Variants in CPE observed in about 807,000 individuals in gnomAD.
CPE encodes the protein carbocypeptidase E.
Under a neutral mutation model 53.5 loss-of-function variants are expected in CPE, and 17 were observed. The ratio of observed to expected loss-of-function variants is 0.32; its 90% CI spans 0.22 to 0.48. The LOEUF (loss-of-function observed/expected upper bound fraction) is 0.48, where lower values mean the gene tolerates loss of function less well. Among genes scored for constraint, CPE ranks in the 20% least tolerant of loss-of-function variants. The pLI is 0.99. For synonymous variants in CPE, 226 were observed against 228.8 expected, an observed-to-expected ratio of 0.99 and a Z score of 0.11; for missense variants, 524 against 614.7, an observed-to-expected ratio of 0.85 and a Z score of 1.56.
At chr4:165,482,505 T>C in intron 4 of CPE, 146 bp downstream of exon 4, 1 of 620,304 alleles carries the variant, frequency 1.6e-6, no homozygotes, top group South Asian at 2.2e-5. Flanking sequence ...CAGGAAGCTC[T>C]CCTAATCATT....
chr4:165,495,442 G>C (rs1160091154), intron 7 of CPE, 117 bp from the exon 8 acceptor site: 3 of 619,184 alleles, frequency 4.8e-6, no homozygotes, highest in Middle Eastern at 2.9e-4. Flanking sequence ...TTTAAAAATC[G>C]AGAATCAAAA....
At chr4:165,474,111 C>G (rs931933117) in intron 3 of CPE, among the ~76,000 whole-genome samples, 1 of 152,222 alleles carries the variant, frequency 6.6e-6, no homozygotes, top group Non-Finnish European at 1.5e-5. Context: ...TTAGGGAAAC[C>G]TGGATGGGGG....
intron 1 of CPE, among the ~76,000 whole-genome samples, chr4:165,409,039 C>T (rs969066823): frequency 6.6e-6 from 1 of 152,194 alleles, no homozygotes; most frequent in Non-Finnish European, 1.5e-5. Flanking sequence ...TCTCTTCTTA[C>T]ATTTATTTGG....
chr4:165,448,134 CCA>C (rs545174993), intron 1 of CPE, among the ~76,000 whole-genome samples: 9 of 151,754 alleles, frequency 5.9e-5, no homozygotes, highest in Non-Finnish European at 1.2e-4. Context: ...GAATTGTTAC[CCA>C]CTATTATAAA....
intron 2 of CPE, 41 bp downstream of exon 2, chr4:165,464,627 T>C (rs748385604): frequency 2.0e-6 from 3 of 1,505,362 alleles, no homozygotes; most frequent in African/African-American, 2.8e-5. Flanking sequence ...CTTTCTTCAT[T>C]TTCTGTATGT....
At chr4:165,437,148 T>C (rs1473090189) in intron 1 of CPE, among the ~76,000 whole-genome samples, 2 of 152,132 alleles carry the variant, frequency 1.3e-5, no homozygotes, top group African/African-American at 4.8e-5. Flanking sequence ...AGTCCTTAAT[T>C]GAGTGTTATT....
intron 1 of CPE, among the ~76,000 whole-genome samples, chr4:165,398,834 A>G (rs1489183903): frequency 6.6e-6 from 1 of 152,162 alleles, no homozygotes; most frequent in Non-Finnish European, 1.5e-5. Context: ...ACCATCTGGC[A>G]TTAGCTGTAT....
intron 3 of CPE, 38 bp downstream of exon 3, chr4:165,467,893 A>G: frequency 1.3e-6 from 2 of 1,599,916 alleles, no homozygotes; most frequent in South Asian, 1.1e-5. Flanking sequence ...GTTCGTCTCT[A>G]GCCTAAGGAA....
chr4:165,440,726 A>G (rs756025628), intron 1 of CPE, among the ~76,000 whole-genome samples: 2 of 151,936 alleles, frequency 1.3e-5, no homozygotes, highest in Non-Finnish European at 1.5e-5. Context: ...CTCTGCCCCT[A>G]TGTCACCGAT....
chr4:165,388,747 AAAATG>A (rs113015406), intron 1 of CPE, among the ~76,000 whole-genome samples: 25,648 of 152,156 alleles, frequency 0.17, 2,278 homozygotes, highest in African/African-American at 0.23. Context: ...AGACATTTGC[AAAATG>A]AAATACTTTT....
intron 5 of CPE, among the ~76,000 whole-genome samples, chr4:165,486,372 A>G (rs1032219379): frequency 6.6e-6 from 1 of 152,178 alleles, no homozygotes; most frequent in African/African-American, 2.4e-5. Flanking sequence ...CTTTGGTGCT[A>G]TTTGAAGTAT....
chr4:165,439,716 T>C (rs1223953633), intron 1 of CPE, among the ~76,000 whole-genome samples: 2 of 152,134 alleles, frequency 1.3e-5, no homozygotes, highest in East Asian at 3.8e-4. Flanking sequence ...TTGATACTAA[T>C]GAGAAAATAT....
intron 3 of CPE, among the ~76,000 whole-genome samples, chr4:165,470,306 C>T (rs1006645462): frequency 6.6e-6 from 1 of 152,124 alleles, no homozygotes; most frequent in Non-Finnish European, 1.5e-5. Context: ...GTCTTTTCCC[C>T]TGATTCTTCC....
rs1400224460 is a variant in CPE, at chr4:165,493,198, C to T, written c.1141C>T (p.Arg381Ter). 4 of 1,613,618 alleles carry T rather than the reference C, an allele frequency of 2.5e-6. No homozygotes were observed. The highest frequency in any genetic ancestry group is 1.7e-6 in the Non-Finnish European group (2 of 1,179,802). Reference protein sequence around the residue: ...QIHRGVKGFVRDLQGNPIANA... With the variant: ...QIHRGVKGFV ...ACACCGAGGAGTTAAAGGATTTGTC[C>T]GAGACCTTCAAGGTAACCCAATTGC... is the stretch of plus-strand genomic sequence containing the variant. Residue 381 changes from arginine to a stop codon, truncating the protein, a stop_gained, in exon 7 of 9, where the codon CGA becomes TGA. Coordinates refer to ENST00000402744, the MANE Select transcript of CPE (RefSeq NM_001873.4). LOFTEE classifies it high-confidence loss of function.
At chr4:165,431,126 T>C (rs1214755397) in intron 1 of CPE, among the ~76,000 whole-genome samples, 3 of 152,338 alleles carry the variant, frequency 2.0e-5, no homozygotes, top group African/African-American at 7.2e-5. Context: ...GATACTGACC[T>C]ATAAGCTGCA....
intron 1 of CPE, among the ~76,000 whole-genome samples, chr4:165,425,671 A>G: frequency 6.7e-6 from 1 of 148,952 alleles, no homozygotes; most frequent in Non-Finnish European, 1.5e-5. Flanking sequence ...AAAAAAAAAA[A>G]ACACTTAATT....
At chr4:165,438,768 T>C (rs1731555033) in intron 1 of CPE, among the ~76,000 whole-genome samples, 1 of 152,194 alleles carries the variant, frequency 6.6e-6, no homozygotes, top group Non-Finnish European at 1.5e-5. Context: ...GCCAGCTTCT[T>C]TGACTGGGGC....
chr4:165,486,010 A>G (rs1300078774), intron 5 of CPE, among the ~76,000 whole-genome samples: 1 of 152,186 alleles, frequency 6.6e-6, no homozygotes, highest in African/African-American at 2.4e-5. Context: ...GGCCTGAGCC[A>G]TTGGAAGAAG....
At chr4:165,409,262 G>A (rs1730999423) in intron 1 of CPE, among the ~76,000 whole-genome samples, 1 of 152,180 alleles carries the variant, frequency 6.6e-6, no homozygotes, top group Non-Finnish European at 1.5e-5. Context: ...GGAGTGCAAT[G>A]GTGTGATCTC....
Sources: allele counts gnomAD v4.1 joint callset (sites outside exome capture counted in the v4.1 genomes callset), GRCh38; gene constraint gnomAD v4.1.1; transcripts MANE v1.5; gene names NCBI Gene and HGNC (gene_info 2026-07-23, HGNC 2026-07-21).